ARHGAP8: variants seen among roughly 807,000 people sequenced by gnomAD.
ARHGAP8 encodes rho GTPase-activating protein 8.
ARHGAP8 carries 62 observed loss-of-function variants against 46.1 expected under a neutral mutation model. The observed-to-expected ratio is 1.34, with a 90% CI of 1.10 to 1.66. ARHGAP8 has a LOEUF of 1.66. Ranked by LOEUF, ARHGAP8 falls within the 40% of genes most tolerant of loss-of-function variation. The pLI, the probability that ARHGAP8 is intolerant of heterozygous loss-of-function variation, is 0.00. For synonymous variants in ARHGAP8, 375 were observed against 243.1 expected, an observed-to-expected ratio of 1.54 and a Z score of -5.05; for missense variants, 923 against 568.4, an observed-to-expected ratio of 1.62 and a Z score of -6.34.
At chr22:44,791,373 T>C (rs16992799) in intron 2 of ARHGAP8, among the ~76,000 whole-genome samples, 9,137 of 152,164 alleles carry the variant, frequency 0.06, 451 homozygotes, top group African/African-American at 0.14. Context: ...AGCTTTTAGA[T>C]AGTTCTCTTG....
At chr22:44,754,376 C>T (rs12386315) in intron 1 of ARHGAP8, among the ~76,000 whole-genome samples, 2,538 of 111,566 alleles carry the variant, frequency 0.023, 32 homozygotes, top group Admixed American at 0.032. Flanking sequence ...GTGTGTGTGA[C>T]GCAGTTTTCG....
At chr22:44,792,819 T>G (rs1041924111) in intron 2 of ARHGAP8, among the ~76,000 whole-genome samples, 16 of 89,538 alleles carry the variant, frequency 1.8e-4, no homozygotes, top group South Asian at 4.7e-4. Context: ...TGGTTTTTTT[T>G]GTTTTTTTGG....
intron 9 of ARHGAP8, among the ~76,000 whole-genome samples, chr22:44,848,438 G>C (rs2070014686): frequency 6.6e-6 from 1 of 152,246 alleles, no homozygotes; most frequent in Admixed American, 6.5e-5. Flanking sequence ...GCAGGCAGGG[G>C]CAGTGGCCTC....
At chr22:44,829,864 A>T (rs527862054) in intron 7 of ARHGAP8, among the ~76,000 whole-genome samples, 24 of 152,314 alleles carry the variant, frequency 1.6e-4, no homozygotes, top group African/African-American at 5.5e-4. Context: ...TCAAAGATTC[A>T]AGAGGTCTTT....
chr22:44,753,615 G>A (rs1410893429), intron 1 of ARHGAP8, among the ~76,000 whole-genome samples: 1 of 151,750 alleles, frequency 6.6e-6, no homozygotes, highest in Non-Finnish European at 1.5e-5. Flanking sequence ...AATCCTGTGG[G>A]GGGTGGGGGG....
intron 10 of ARHGAP8, among the ~76,000 whole-genome samples, chr22:44,858,073 C>G (rs118037809): frequency 6.6e-6 from 1 of 152,212 alleles, no homozygotes; most frequent in African/African-American, 2.4e-5. Flanking sequence ...CAAGGGAATT[C>G]CTTGTCCATT....
rs758341568 is a variant in ARHGAP8 at position 44,862,644 on chromosome 22, G to C, written c.*49G>C. On this transcript the variant is annotated 3_prime_UTR_variant, in exon 12 of 12. Transcript: ENST00000356099. The stretch of plus-strand genomic sequence containing the variant: ...CGAGCTACCTCCCACACCTGTCTGT[G>C]CACTTGTATGTTTTGTAAACTTGGC... The C allele has an allele frequency of 6.6e-7, 1 of 1,509,530 alleles. No homozygotes were observed. Among genetic ancestry groups the C allele is most frequent in the Admixed American group, 2.2e-5 (1 of 45,166 alleles). The allele number at this position is 1,509,530 out of a possible 1,614,324, so 93.5% of individuals were successfully genotyped here.
At chr22:44,850,455 A>G (rs973113005) in intron 10 of ARHGAP8, 1 of 152,230 alleles carries the variant, frequency 6.6e-6, no homozygotes, top group African/African-American at 2.4e-5. Context: ...ACAATGCTCC[A>G]TCACCTGAAT....
At chr22:44,856,117 G>C (rs1055904790) in intron 10 of ARHGAP8, among the ~76,000 whole-genome samples, 1 of 151,978 alleles carries the variant, frequency 6.6e-6, no homozygotes, top group Non-Finnish European at 1.5e-5. Flanking sequence ...TGAGAAATCT[G>C]TCCCCATGAT....
At chr22:44,789,928 T>A (rs1927538678) in intron 2 of ARHGAP8, among the ~76,000 whole-genome samples, 1 of 152,344 alleles carries the variant, frequency 6.6e-6, no homozygotes, top group Admixed American at 6.5e-5. Flanking sequence ...TTCCATCCTT[T>A]TTCCTTTCAG....
intron 7 of ARHGAP8, among the ~76,000 whole-genome samples, chr22:44,831,591 C>T (rs528056747): frequency 2.6e-5 from 4 of 152,192 alleles, no homozygotes; most frequent in African/African-American, 4.8e-5. Flanking sequence ...CCCAGCTACT[C>T]CGGGGACTGA....
intron 2 of ARHGAP8, among the ~76,000 whole-genome samples, chr22:44,790,483 C>T (rs1569146376): frequency 6.6e-6 from 1 of 151,810 alleles, no homozygotes; most frequent in African/African-American, 2.4e-5. Context: ...CGAGACCAGC[C>T]TGCCCAACAT....
At chr22:44,837,743 C>T (rs138206652) in intron 7 of ARHGAP8, among the ~76,000 whole-genome samples, 59 of 152,164 alleles carry the variant, frequency 3.9e-4, no homozygotes, top group African/African-American at 1.3e-3. Flanking sequence ...GGTTTCTGCT[C>T]TATGGAGAGT....
chr22:44,803,162 CAG>C (rs1440797902), intron 3 of ARHGAP8, among the ~76,000 whole-genome samples: 1 of 152,168 alleles, frequency 6.6e-6, no homozygotes, highest in African/African-American at 2.4e-5. Context: ...GACTCTGAGA[CAG>C]AAGGTGGCAG....
intron 1 of ARHGAP8, among the ~76,000 whole-genome samples, chr22:44,780,737 A>G (rs1004746064): frequency 1.3e-5 from 2 of 152,194 alleles, no homozygotes; most frequent in Non-Finnish European, 2.9e-5. Flanking sequence ...CACCCCCACC[A>G]CTGGCCAATG....
At chr22:44,787,856 A>G (rs1927372430) in intron 2 of ARHGAP8, among the ~76,000 whole-genome samples, 1 of 151,604 alleles carries the variant, frequency 6.6e-6, no homozygotes, top group Admixed American at 6.6e-5. Flanking sequence ...CACACTGTGT[A>G]CAGGAGGGAC....
chr22:44,758,182 G>A (rs1326261306), intron 1 of ARHGAP8, among the ~76,000 whole-genome samples: 1 of 152,202 alleles, frequency 6.6e-6, no homozygotes, highest in Non-Finnish European at 1.5e-5. Context: ...CGGGCACGGT[G>A]GCTCACACCT....
At chr22:44,782,470 G>A (rs1602167321) in intron 1 of ARHGAP8, among the ~76,000 whole-genome samples, 1 of 152,132 alleles carries the variant, frequency 6.6e-6, no homozygotes, top group East Asian at 1.9e-4. Flanking sequence ...ACCCCAGTGG[G>A]AAACTCCCAT....
At position 44,862,470 on chromosome 22, in the gene ARHGAP8, G is replaced by T; in HGVS notation, c.1177G>T (p.Ala393Ser). 2 of 1,613,970 alleles carry T rather than the reference G, an allele frequency of 1.2e-6. No individual in the cohort carries two copies. Among genetic ancestry groups the T allele is most frequent in the Non-Finnish European group, 1.7e-6 (2 of 1,179,940 alleles). ...GGAGGCACCTGGGGAGCACGGCCTG[G>T]CACCATGGGAACAGGGGAGCAGGGC... ...TPEAPGEHGL[A>S]PWEQGSRAAP... The change falls in exon 12 of 12, where the codon GCA (alanine) becomes TCA (serine). Residue 393 changes from alanine (A) to serine (S), a missense_variant. By Grantham distance (99) the Ala-to-Ser change is moderately conservative. Coordinates refer to ENST00000356099, the MANE Select transcript of ARHGAP8 (RefSeq NM_181335.3).
Sources: gnomAD v4.1 joint callset for allele counts (sites outside exome capture counted in the v4.1 genomes callset) on GRCh38, gnomAD v4.1.1 for gene constraint, MANE v1.5 for transcripts, NCBI Gene and HGNC (gene_info 2026-07-23, HGNC 2026-07-21) for gene names.